XXYLT1: variants seen among roughly 807,000 people sequenced by gnomAD.
XXYLT1 encodes xyloside xylosyltransferase 1, also known as UDP-xylose:alpha-xyloside alpha-1,3-xylosyltransferase.
A neutral mutation model predicts 28.9 loss-of-function variants in XXYLT1; 20 were observed. That is an observed-to-expected ratio of 0.69 (90% CI 0.49 to 1.00). The LOEUF (loss-of-function observed/expected upper bound fraction) is 1.00, where lower values mean the gene tolerates loss of function less well. Ranked by LOEUF, XXYLT1 falls within the 50% of genes least tolerant of loss-of-function variation. XXYLT1 has a pLI of 0.00. For synonymous variants in XXYLT1, 257 were observed against 253.8 expected (o/e 1.01, Z -0.12); for missense variants, 542 against 560.1 (o/e 0.97, Z 0.33).
At chr3:195,268,410 G>A (rs954267700) in intron 1 of XXYLT1, among the ~76,000 whole-genome samples, 4 of 148,884 alleles carry the variant, frequency 2.7e-5, no homozygotes, top group Admixed American at 1.3e-4. Flanking sequence ...CAGCCTGGGC[G>A]ACAAGAGCAA....
chr3:195,178,276 C>T (rs1721772925), intron 2 of XXYLT1, among the ~76,000 whole-genome samples: 1 of 152,154 alleles, frequency 6.6e-6, no homozygotes, highest in Non-Finnish European at 1.5e-5. Flanking sequence ...CCCCTGCCCA[C>T]ACGGAACCCT....
chr3:195,187,358 C>T (rs1417632396), intron 2 of XXYLT1, among the ~76,000 whole-genome samples: 3 of 152,148 alleles, frequency 2.0e-5, no homozygotes, highest in South Asian at 2.1e-4. Flanking sequence ...CCACCATGCC[C>T]GGCCAGCTGA....
intron 3 of XXYLT1, among the ~76,000 whole-genome samples, chr3:195,105,711 T>G (rs970772381): frequency 6.6e-6 from 1 of 152,216 alleles, no homozygotes; most frequent in Non-Finnish European, 1.5e-5. Flanking sequence ...CTGTTTCAAC[T>G]ATCAGCGGGG....
At chr3:195,174,756 C>T (rs1006157909) in intron 2 of XXYLT1, among the ~76,000 whole-genome samples, 2 of 147,842 alleles carry the variant, frequency 1.4e-5, no homozygotes, top group African/African-American at 5.0e-5. Context: ...GCCTCCTCCT[C>T]GTCCCCTTTC....
At chr3:195,154,914 A>G (rs1351370444) in intron 3 of XXYLT1, among the ~76,000 whole-genome samples, 1 of 152,116 alleles carries the variant, frequency 6.6e-6, no homozygotes, top group Non-Finnish European at 1.5e-5. Context: ...TGCGACCACT[A>G]TCACCTCCCT....
Position 195,221,656 on chromosome 3 carries a change from G to A in XXYLT1, c.652+5053C>T, listed in dbSNP as rs143546120. On this transcript the variant is annotated intron_variant, in intron 2 of 3. Coordinates refer to ENST00000310380, the MANE Select transcript of XXYLT1 (RefSeq NM_152531.5). ...ATACTGCTGAGCTGGAGCCAGCAGC[G>A]CCTCAGGCCATGTGACCCAGGAGGG... is the stretch of plus-strand genomic sequence containing the variant. Among the ~76,000 whole-genome samples the A allele has an allele frequency of 8.1e-3, 1,238 of 152,304 alleles. 17 individuals carry two copies. Among genetic ancestry groups the A allele is most frequent in the African/African-American group, 0.029 (1,202 of 41,578 alleles).
rs1020493010 is a variant in XXYLT1 at position 195,069,274 on chromosome 3, G to A, written c.*441C>T. 1.4e-4 allele frequency: 22 copies of A among 162,554 alleles called. No homozygotes were observed. The highest frequency in any genetic ancestry group is 3.5e-4 in the South Asian group (2 of 5,730). 10.1% of individuals were successfully genotyped at this position (162,554 alleles called of 1,614,324 possible). ...ATTAAAACCTTGGCTTACCTTACCC[G>A]TTTGGGGCTCGATGGGTGCTAAAGC... On this transcript the variant is annotated 3_prime_UTR_variant, in exon 4 of 4. Coordinates refer to ENST00000310380, the MANE Select transcript of XXYLT1 (RefSeq NM_152531.5).
chr3:195,138,384 G>A (rs1577067938), intron 3 of XXYLT1, among the ~76,000 whole-genome samples: 1 of 152,124 alleles, frequency 6.6e-6, no homozygotes, highest in East Asian at 1.9e-4. Context: ...CTAGTCAAGG[G>A]CCTGGTCCTT....
chr3:195,221,609 A>G (rs1328361273), intron 2 of XXYLT1, among the ~76,000 whole-genome samples: 4 of 152,182 alleles, frequency 2.6e-5, no homozygotes, highest in Non-Finnish European at 4.4e-5. Flanking sequence ...ACAACCACAG[A>G]GCATGCGCCC....
In XXYLT1 at chr3:195,187,161, C is replaced by T. The variant is rs1157948083; in HGVS notation, c.653-30580G>A. On this transcript the variant is annotated intron_variant, in intron 2 of 3. Transcript: ENST00000310380. Reference sequence around the variant, plus strand: ...GCTGAGGCAGGAGAATGACTTGAACCCGGGAGACGGAGCTTGCAGTGAGCA... The same window carrying T: ...GCTGAGGCAGGAGAATGACTTGAACTCGGGAGACGGAGCTTGCAGTGAGCA... Among the ~76,000 whole-genome samples the T allele has an allele frequency of 2.6e-5, 4 of 151,216 alleles. No individual in the cohort carries two copies. The East Asian group carries it at 6.0e-4, about 23-fold the overall frequency.
At chr3:195,118,050 A>G (rs1319648161) in intron 3 of XXYLT1, among the ~76,000 whole-genome samples, 2 of 152,196 alleles carry the variant, frequency 1.3e-5, no homozygotes, top group Non-Finnish European at 2.9e-5. Flanking sequence ...CTAGAGCCAC[A>G]AGGAACAAGT....
rs1308258125 is a variant in XXYLT1 at position 195,255,135 on chromosome 3, GT to G, written c.504+15419del. Among the ~76,000 whole-genome samples, 2 of 152,220 alleles carry G rather than the reference GT, an allele frequency of 1.3e-5. No homozygotes were observed. The highest frequency in any genetic ancestry group is 2.1e-4 in the South Asian group (1 of 4,830). On this transcript the variant is annotated intron_variant, in intron 1 of 3. Coordinates refer to ENST00000310380, the MANE Select transcript of XXYLT1 (RefSeq NM_152531.5). This position sits in a 1 kb window ranked among gnomAD's most constrained non-coding sequence, Gnocchi z 4.5. ...ATCAGAAAGACCCATAAGGCCATAG[GT>G]TTGCAGAGGGAATGCAGTCCCTCAG...
At chr3:195,109,161 G>A (rs1345797075) in intron 3 of XXYLT1, among the ~76,000 whole-genome samples, 1 of 151,948 alleles carries the variant, frequency 6.6e-6, no homozygotes, top group Non-Finnish European at 1.5e-5. Context: ...CTCTCTCTTC[G>A]TTGCTTGCAG....
intron 1 of XXYLT1, among the ~76,000 whole-genome samples, chr3:195,252,684 A>G (rs1175276328): frequency 7.0e-6 from 1 of 142,986 alleles, no homozygotes; most frequent in Non-Finnish European, 1.5e-5. Context: ...TCAAAAGAAG[A>G]AAAAAAACCA....
chr3:195,101,902 C>T (rs927839056), intron 3 of XXYLT1, among the ~76,000 whole-genome samples: 5 of 109,558 alleles, frequency 4.6e-5, no homozygotes, highest in Admixed American at 1.2e-4. Flanking sequence ...CAAAGAGGAA[C>T]GGAGGAAAGG....
rs544009670 is a variant in XXYLT1, at chr3:195,133,693, C to T, written c.785+22756G>A. The stretch of plus-strand genomic sequence containing the variant: ...CAGCATTGTATACAGTCACGCACCA[C>T]GTGACGACGTTGCAGTCAACGACAG... On this transcript the variant is annotated intron_variant, in intron 3 of 3. Coordinates refer to ENST00000310380, the MANE Select transcript of XXYLT1 (RefSeq NM_152531.5). This position sits in a 1 kb window ranked among gnomAD's most constrained non-coding sequence, Gnocchi z 4.4. 4.6e-5 allele frequency among the ~76,000 whole-genome samples: 7 copies of T among 152,172 alleles called. No individual in the cohort carries two copies. The highest frequency in any genetic ancestry group is 2.1e-4 in the South Asian group (1 of 4,832).
At chr3:195,207,397 A>G in intron 2 of XXYLT1, 2 of 449,598 alleles carry the variant, frequency 4.4e-6, no homozygotes, top group Non-Finnish European at 8.9e-6. Flanking sequence ...CTCAGGCAAC[A>G]GGAAAACAGT....
intron 2 of XXYLT1, among the ~76,000 whole-genome samples, chr3:195,201,365 T>A (rs1722841694): frequency 6.6e-6 from 1 of 152,220 alleles, no homozygotes; most frequent in Non-Finnish European, 1.5e-5. Context: ...ACCCTTCTGC[T>A]TCTGGGACAT....
chr3:195,139,628 T>C (rs1233627752), intron 3 of XXYLT1, among the ~76,000 whole-genome samples: 1 of 152,128 alleles, frequency 6.6e-6, no homozygotes, highest in African/African-American at 2.4e-5. Context: ...AAGAAGTAAC[T>C]GTGGAATTCT....
Sources: gnomAD v4.1 joint callset for allele counts (sites outside exome capture counted in the v4.1 genomes callset) on GRCh38, gnomAD v4.1.1 for gene constraint, Gnocchi (gnomAD v3.1) non-coding constraint, MANE v1.5 for transcripts, NCBI Gene and HGNC (gene_info 2026-07-23, HGNC 2026-07-21) for gene names.